The following PRRX2 variants were observed in gnomAD, a reference collection of about 807,000 sequenced individuals.
PRRX2 encodes the protein paired mesoderm homeobox protein 2.
A neutral mutation model predicts 18.0 loss-of-function variants in PRRX2; 11 were observed. That is an observed-to-expected ratio of 0.61 (90% CI 0.39 to 1.01). The LOEUF (loss-of-function observed/expected upper bound fraction) is 1.01. Ranked by LOEUF, PRRX2 falls within the 50% of genes least tolerant of loss-of-function variation. The pLI is 0.01. For missense variants in PRRX2, 387 were observed against 351.0 expected (o/e 1.10, Z -0.82); for synonymous variants, 177 against 154.8 (o/e 1.14, Z -1.06).
Position 129,674,376 on chromosome 9 carries a change from T to A in PRRX2, c.259+8250T>A, listed in dbSNP as rs1345478976. 2.6e-5 allele frequency among the ~76,000 whole-genome samples: 4 copies of A among 152,336 alleles called. No homozygotes were observed. The East Asian group carries it at 7.7e-4, about 29-fold the overall frequency. ...ATCTCTGTGATTGATTCTGCTTTTC[T>A]GTGCGTGGGATGGGCAGCCTGGACC... On this transcript the variant is annotated intron_variant, in intron 1 of 3. Coordinates refer to ENST00000372469, the MANE Select transcript of PRRX2 (RefSeq NM_016307.4).
intron 1 of PRRX2, among the ~76,000 whole-genome samples, chr9:129,686,409 C>T (rs1437854021): frequency 6.6e-6 from 1 of 152,162 alleles, no homozygotes; most frequent in Non-Finnish European, 1.5e-5. Flanking sequence ...TGCAGTGGTG[C>T]GATCACAGCT....
chr9:129,720,001 C>A (rs953446274), intron 2 of PRRX2, among the ~76,000 whole-genome samples: 1 of 152,082 alleles, frequency 6.6e-6, no homozygotes, highest in African/African-American at 2.4e-5. Context: ...AATAAACAAA[C>A]AAACAAACAA....
At chr9:129,698,558 G>A (rs1343702316) in intron 1 of PRRX2, among the ~76,000 whole-genome samples, 1 of 152,242 alleles carries the variant, frequency 6.6e-6, no homozygotes, top group Non-Finnish European at 1.5e-5. Flanking sequence ...TGCTGGGTAG[G>A]GTGGGGGTGT....
chr9:129,718,061 C>T (rs912148732), intron 1 of PRRX2, among the ~76,000 whole-genome samples: 4 of 151,818 alleles, frequency 2.6e-5, no homozygotes, highest in Non-Finnish European at 5.9e-5. Context: ...AGTAGCTGGA[C>T]GCCCCCCCAC....
At position 129,665,944 on chromosome 9, in the gene PRRX2, T is replaced by G; in HGVS notation, c.77T>G (p.Leu26Arg). 1 of 1,125,980 alleles carries G rather than the reference T, an allele frequency of 8.9e-7. No individual in the cohort carries two copies. The highest frequency in any genetic ancestry group is 4.1e-4 in the Middle Eastern group (1 of 2,426). The allele number at this position is 1,125,980 out of a possible 1,614,324, so 69.7% of individuals were successfully genotyped here. Residue 26 changes from leucine (L) to arginine (R), a missense_variant, in exon 1 of 4, where the codon CTG becomes CGG. By Grantham distance (102) the Leu-to-Arg change is moderately radical (BLOSUM62 -2). Transcript: ENST00000372469. The surrounding 1 kb of genome is among the most constrained non-coding windows in gnomAD (Gnocchi z 5.3). Reference protein sequence around the residue: ...GPGPPPPPPALGPGDCAQARK... With the variant: ...GPGPPPPPPARGPGDCAQARK... ...GGGCCGCCGCCGCCTCCACCCGCGC[T>G]GGGGCCCGGCGACTGCGCCCAGGCG... is the stretch of plus-strand genomic sequence containing the variant.
Position 129,666,000 on chromosome 9 carries a change from G to A in PRRX2, c.133G>A (p.Asp45Asn). ...GAACTTCTCGGTGAGCCACCTCCTGGACCTGGAAGAGGTGGCGGCGGCCGG... is the reference window on the plus strand; with the variant it reads ...GAACTTCTCGGTGAGCCACCTCCTGAACCTGGAAGAGGTGGCGGCGGCCGG... ...RKNFSVSHLLDLEEVAAAGRL... is the reference protein window; with the variant it reads ...RKNFSVSHLLNLEEVAAAGRL... The change falls in exon 1 of 4, where the codon GAC becomes AAC. Residue 45 changes from aspartate (D) to asparagine (N), a missense_variant. Transcript: ENST00000372469. This position sits in a 1 kb window ranked among gnomAD's most constrained non-coding sequence, Gnocchi z 5.3. 1.8e-6 allele frequency: 2 copies of A among 1,092,836 alleles called. No homozygotes were observed. The highest frequency in any genetic ancestry group is 5.2e-5 in the Admixed American group (1 of 19,138). 67.7% of individuals were successfully genotyped at this position (1,092,836 alleles called of 1,614,324 possible). A position where few individuals can be genotyped will look rare whatever the true frequency, so the allele number is the denominator to read the frequency against.
At chr9:129,672,119 C>T (rs1469642951) in intron 1 of PRRX2, among the ~76,000 whole-genome samples, 1 of 152,092 alleles carries the variant, frequency 6.6e-6, no homozygotes, top group East Asian at 1.9e-4. Flanking sequence ...GACAGTGGCT[C>T]ACCCAGGGTG....
At chr9:129,678,167 T>C (rs1024221546) in intron 1 of PRRX2, among the ~76,000 whole-genome samples, 31 of 152,198 alleles carry the variant, frequency 2.0e-4, no homozygotes, top group Admixed American at 1.8e-3. Flanking sequence ...TTTTGTCACG[T>C]TGGCCAGGCT....
chr9:129,680,655 A>G (rs938437156), intron 1 of PRRX2, among the ~76,000 whole-genome samples: 1 of 152,028 alleles, frequency 6.6e-6, no homozygotes, highest in African/African-American at 2.4e-5. Context: ...GTATCTAACC[A>G]TGCTTTCCAA....
chr9:129,673,185 A>G (rs933986255), intron 1 of PRRX2, among the ~76,000 whole-genome samples: 4 of 152,222 alleles, frequency 2.6e-5, no homozygotes, highest in African/African-American at 9.6e-5. Flanking sequence ...AAGGTGGCTC[A>G]AGCCTGTAAT....
At chr9:129,680,710 A>G (rs1475306515) in intron 1 of PRRX2, among the ~76,000 whole-genome samples, 1 of 151,972 alleles carries the variant, frequency 6.6e-6, no homozygotes, top group Non-Finnish European at 1.5e-5. Flanking sequence ...CCCAGCCCGC[A>G]CACAGGACCC....
At position 129,665,994 on chromosome 9, in the gene PRRX2, CT is replaced by C; in HGVS notation, c.128del (p.Leu43ProfsTer153). The C allele has an allele frequency of 9.0e-7, 1 of 1,111,048 alleles. No homozygotes were observed. Among genetic ancestry groups the C allele is most frequent in the Non-Finnish European group, 1.1e-6 (1 of 909,614 alleles). 68.8% of individuals were successfully genotyped at this position (1,111,048 alleles called of 1,614,324 possible). A position where few individuals can be genotyped will look rare whatever the true frequency, so the allele number is the denominator to read the frequency against. On this transcript the variant is annotated frameshift_variant, in exon 1 of 4. Coordinates refer to ENST00000372469, the MANE Select transcript of PRRX2 (RefSeq NM_016307.4). LOFTEE classifies it high-confidence loss of function. This position sits in a 1 kb window ranked among gnomAD's most constrained non-coding sequence, Gnocchi z 5.3. ...QARKNFSVSH[L>X]LDLEEVAAAG... The stretch of plus-strand genomic sequence containing the variant: ...GCGCAAGAACTTCTCGGTGAGCCAC[CT>C]CCTGGACCTGGAAGAGGTGGCGGCG...
chr9:129,680,634 C>T (rs759379906), intron 1 of PRRX2, among the ~76,000 whole-genome samples: 4 of 152,072 alleles, frequency 2.6e-5, no homozygotes, highest in Admixed American at 2.0e-4. Flanking sequence ...GCTTGCCTCA[C>T]GGCTTTGCTG....
At chr9:129,692,807 G>A (rs1186638009) in intron 1 of PRRX2, among the ~76,000 whole-genome samples, 4 of 152,172 alleles carry the variant, frequency 2.6e-5, no homozygotes, top group African/African-American at 4.8e-5. Context: ...ACTGGAGGAC[G>A]TGTTAGTTGC....
Position 129,665,797 on chromosome 9 carries a change from C to T in PRRX2, c.-71C>T. 2.0e-6 allele frequency: 2 copies of T among 993,520 alleles called. No homozygotes were observed. Among genetic ancestry groups the T allele is most frequent in the Non-Finnish European group, 2.4e-6 (2 of 831,530 alleles). 61.5% of individuals were successfully genotyped at this position (993,520 alleles called of 1,614,324 possible). On this transcript the variant is annotated 5_prime_UTR_variant, in exon 1 of 4. Coordinates refer to ENST00000372469, the MANE Select transcript of PRRX2 (RefSeq NM_016307.4). The surrounding 1 kb of genome is among the most constrained non-coding windows in gnomAD (Gnocchi z 5.3). ...GGGGCGGCCGGGGCTCTCGCTCCGA[C>T]CCGCGCCCGCGACCCTTCCTGGGAC...
intron 1 of PRRX2, among the ~76,000 whole-genome samples, chr9:129,684,358 T>TTC (rs1328826558): frequency 6.6e-6 from 1 of 151,412 alleles, no homozygotes; most frequent in South Asian, 2.1e-4. Flanking sequence ...GGGGCCTGGG[T>TTC]TCTCTCTCTC....
rs552831475 is a variant in PRRX2 at position 129,715,239 on chromosome 9, A to T, written c.260-3992A>T. Among the ~76,000 whole-genome samples the T allele has an allele frequency of 3.3e-5, 5 of 152,284 alleles. No individual in the cohort carries two copies. The highest frequency in any genetic ancestry group is 6.5e-5 in the Admixed American group (1 of 15,294). On this transcript the variant is annotated intron_variant, in intron 1 of 3. Coordinates refer to ENST00000372469, the MANE Select transcript of PRRX2 (RefSeq NM_016307.4). This position sits in a 1 kb window ranked among gnomAD's most constrained non-coding sequence, Gnocchi z 4.0. ...CTCTAAACCAGGGTTTCTCAACCTC[A>T]GTGCCATTGACATTTTGGACAAGAT... is the stretch of plus-strand genomic sequence containing the variant.
chr9:129,721,159 C>T (rs1046094996), intron 3 of PRRX2, among the ~76,000 whole-genome samples: 2 of 152,210 alleles, frequency 1.3e-5, no homozygotes, highest in African/African-American at 4.8e-5. Context: ...GTACAGGCAT[C>T]ACCCTGAGGG....
rs76439261 is a variant in PRRX2 at position 129,718,277 on chromosome 9, T to C, written c.260-954T>C. 1.4e-3 allele frequency among the ~76,000 whole-genome samples: 219 copies of C among 152,296 alleles called. 1 individual carries two copies. The highest frequency in any genetic ancestry group is 4.9e-3 in the African/African-American group (204 of 41,564). On this transcript the variant is annotated intron_variant, in intron 1 of 3. Coordinates refer to ENST00000372469, the MANE Select transcript of PRRX2 (RefSeq NM_016307.4). Reference sequence around the variant, plus strand: ...CACTCTCTAACTGATTGGAGAACTCTTGGGGATCCTTCAAACCCTTTGCAA... The same window carrying C: ...CACTCTCTAACTGATTGGAGAACTCCTGGGGATCCTTCAAACCCTTTGCAA...
Sources: allele counts gnomAD v4.1 joint callset (sites outside exome capture counted in the v4.1 genomes callset), GRCh38; gene constraint gnomAD v4.1.1; non-coding constraint Gnocchi (gnomAD v3.1); transcripts MANE v1.5; gene names NCBI Gene and HGNC (gene_info 2026-07-23, HGNC 2026-07-21).